The following LRBA variants were observed in gnomAD, a reference collection of about 807,000 sequenced individuals.
LRBA encodes the protein lipopolysaccharide-responsive and beige-like anchor protein.
LRBA carries 176 observed loss-of-function variants against 330.0 expected under a neutral mutation model. That is an observed-to-expected ratio of 0.53 (90% CI 0.47 to 0.60). The LOEUF is 0.60. Among genes scored for constraint, LRBA ranks in the 20% least tolerant of loss-of-function variants. The probability of loss-of-function intolerance (pLI) is 0.00; values close to 1 mark genes in which losing one functional copy is unlikely to be tolerated. For synonymous variants in LRBA, 1,230 were observed against 1,193.0 expected (o/e 1.03, Z -0.64); for missense variants, 3,259 against 3,444.8 (o/e 0.95, Z 1.35).
chr4:150,816,600 T>G lies in LRBA; in HGVS notation c.5305+524A>C, dbSNP rs946837973. Among the ~76,000 whole-genome samples, 4 of 151,920 alleles carry G rather than the reference T, an allele frequency of 2.6e-5. No homozygotes were observed. The East Asian group carries it at 7.7e-4, about 29-fold the overall frequency. ...TGCTATAGGAGGAAATGAACCAGTATGACCATTGTTAGAATGATGCTACAC... is the reference window on the plus strand; with the variant it reads ...TGCTATAGGAGGAAATGAACCAGTAGGACCATTGTTAGAATGATGCTACAC... On this transcript the variant is annotated intron_variant, in intron 31 of 56. Transcript: ENST00000651943.
intron 36 of LRBA, among the ~76,000 whole-genome samples, chr4:150,717,949 T>C (rs150266930): frequency 3.9e-4 from 59 of 152,092 alleles, no homozygotes; most frequent in African/African-American, 1.3e-3. Flanking sequence ...GTACATATGT[T>C]TTACAGATAT....
chr4:150,436,246 C>T (rs1008955609), intron 45 of LRBA, among the ~76,000 whole-genome samples: 3 of 152,160 alleles, frequency 2.0e-5, no homozygotes, highest in Non-Finnish European at 4.4e-5. Flanking sequence ...GCTGCTAATG[C>T]TTTTCCGAAG....
At chr4:150,885,493 T>C (rs1480040329) in intron 17 of LRBA, among the ~76,000 whole-genome samples, 3 of 152,026 alleles carry the variant, frequency 2.0e-5, no homozygotes, top group African/African-American at 7.2e-5. Flanking sequence ...CAGTGGTACA[T>C]GCCTGTAGTC....
rs142949397 is a variant in LRBA at position 150,921,757 on chromosome 4, G to A, written c.550-464C>T. On this transcript the variant is annotated intron_variant, in intron 4 of 56. Transcript: ENST00000651943. ...TTTTTTTCTTTCGAGATGGAGTCTC[G>A]CTCTGTCACTCAGGCTAGAGTGCAA... Among the ~76,000 whole-genome samples the A allele has an allele frequency of 1.5e-3, 234 of 151,690 alleles. 3 individuals carry two copies. The East Asian group carries it at 0.025, about 16-fold the overall frequency.
intron 42 of LRBA, among the ~76,000 whole-genome samples, chr4:150,474,321 A>G (rs756154732): frequency 6.6e-6 from 1 of 152,148 alleles, no homozygotes; most frequent in Non-Finnish European, 1.5e-5. Flanking sequence ...CTCTTCCTTT[A>G]ATTTATATGC....
intron 48 of LRBA, among the ~76,000 whole-genome samples, chr4:150,346,806 C>T (rs894508966): frequency 1.5e-4 from 21 of 139,362 alleles, no homozygotes; most frequent in African/African-American, 5.5e-4. Flanking sequence ...TGTTATGATG[C>T]TTCTTCAAAA....
chr4:150,305,905 T>C (rs996431024), intron 52 of LRBA, among the ~76,000 whole-genome samples: 1 of 152,204 alleles, frequency 6.6e-6, no homozygotes, highest in Admixed American at 6.5e-5. Context: ...GCTGCTCTTT[T>C]TGGTAAATTA....
chr4:150,588,846 A>G (rs1772445342), intron 39 of LRBA, among the ~76,000 whole-genome samples: 2 of 152,128 alleles, frequency 1.3e-5, no homozygotes, highest in Non-Finnish European at 2.9e-5. Context: ...AAACAGCTGG[A>G]GGGTGGGTTT....
At chr4:150,340,258 TA>T (rs1452610303) in intron 48 of LRBA, among the ~76,000 whole-genome samples, 2 of 152,176 alleles carry the variant, frequency 1.3e-5, no homozygotes, top group Non-Finnish European at 2.9e-5. Context: ...TATAACTGAA[TA>T]TTTTTTTCAC....
chr4:150,312,078 G>A (rs891941447), intron 51 of LRBA, among the ~76,000 whole-genome samples: 2 of 152,026 alleles, frequency 1.3e-5, no homozygotes, highest in African/African-American at 2.4e-5. Flanking sequence ...ACTTTCTTGG[G>A]GGATTGGGAT....
intron 2 of LRBA, among the ~76,000 whole-genome samples, chr4:150,953,327 CAAT>C (rs1359097230): frequency 6.6e-6 from 1 of 151,958 alleles, no homozygotes; most frequent in Non-Finnish European, 1.5e-5. Flanking sequence ...AAACAAATCT[CAAT>C]AAATTTAAAA....
At chr4:150,436,212 C>T (rs139191776) in intron 45 of LRBA, among the ~76,000 whole-genome samples, 232 of 152,302 alleles carry the variant, frequency 1.5e-3, no homozygotes, top group Non-Finnish European at 2.5e-3. Context: ...CTGTATCCTT[C>T]TAACAAGCTT....
At chr4:150,525,840 T>C (rs1428810598) in intron 40 of LRBA, among the ~76,000 whole-genome samples, 1 of 152,158 alleles carries the variant, frequency 6.6e-6, no homozygotes, top group African/African-American at 2.4e-5. Context: ...GACATACATC[T>C]CTTTCCATAT....
At chr4:150,404,108 T>C (rs751285193) in intron 47 of LRBA, among the ~76,000 whole-genome samples, 2 of 152,130 alleles carry the variant, frequency 1.3e-5, no homozygotes, top group Admixed American at 1.3e-4. Context: ...ACTATTGATA[T>C]CATGAGCAGC....
At chr4:150,479,659 G>A (rs1390730579) in intron 42 of LRBA, among the ~76,000 whole-genome samples, 13 of 152,146 alleles carry the variant, frequency 8.5e-5, no homozygotes, top group Admixed American at 5.9e-4. Flanking sequence ...TGTATTTAGT[G>A]ACCCACTTGT....
At chr4:150,871,608 AG>A (rs1753452158) in intron 18 of LRBA, among the ~76,000 whole-genome samples, 155 bp from the exon 19 acceptor site, 5 of 152,220 alleles carry the variant, frequency 3.3e-5, no homozygotes, top group Non-Finnish European at 7.3e-5. Context: ...AGAACTTTTA[AG>A]GCCACAAAAC....
chr4:150,768,637 T>C (rs1313803719), intron 34 of LRBA, among the ~76,000 whole-genome samples: 1 of 152,136 alleles, frequency 6.6e-6, no homozygotes, highest in Non-Finnish European at 1.5e-5. Flanking sequence ...CAAAGGGAAC[T>C]CATGCATCAC....
At chr4:150,553,313 G>A (rs1392921381) in intron 40 of LRBA, among the ~76,000 whole-genome samples, 1 of 151,910 alleles carries the variant, frequency 6.6e-6, no homozygotes, top group Non-Finnish European at 1.5e-5. Flanking sequence ...ACCAGGGCCT[G>A]TCGTGGGGTG....
intron 42 of LRBA, among the ~76,000 whole-genome samples, chr4:150,476,791 G>A (rs1756760751): frequency 6.6e-6 from 1 of 152,226 alleles, no homozygotes; most frequent in Middle Eastern, 3.4e-3. Flanking sequence ...ATATATTTTT[G>A]TTACGGCTTA....
Sources: allele counts gnomAD v4.1 joint callset (sites outside exome capture counted in the v4.1 genomes callset), GRCh38; gene constraint gnomAD v4.1.1; transcripts MANE v1.5; gene names NCBI Gene and HGNC (gene_info 2026-07-23, HGNC 2026-07-21).